Variants in ABR observed in about 807,000 individuals in gnomAD.
ABR encodes active breakpoint cluster region-related protein.
ABR carries 35 observed loss-of-function variants against 107.2 expected under a neutral mutation model. That is an observed-to-expected ratio of 0.33 (90% confidence interval 0.25 to 0.43). The LOEUF (loss-of-function observed/expected upper bound fraction) is 0.43. Ranked by LOEUF, ABR falls within the 20% of genes least tolerant of loss-of-function variation. ABR has a pLI of 1.00. For synonymous variants in ABR, 498 were observed against 462.0 expected (o/e 1.08, Z -1.00); for missense variants, 815 against 1,115.2 (o/e 0.73, Z 3.83).
chr17:1,209,034 G>A (rs1256254293), intron 1 of ABR, among the ~76,000 whole-genome samples: 2 of 152,118 alleles, frequency 1.3e-5, no homozygotes, highest in Admixed American at 6.6e-5. Context: ...GGCTCCTGAA[G>A]CAGAATTTTG....
exon 1 of ABR, among the ~76,000 whole-genome samples, chr17:1,229,242 T>C (rs1201989298): frequency 1.3e-5 from 2 of 151,428 alleles, no homozygotes; most frequent in African/African-American, 4.8e-5. Flanking sequence ...GAACCGCAGC[T>C]GGGGCTGCAG....
At chr17:1,102,224 CTT>C (rs1321736202) in intron 2 of ABR, among the ~76,000 whole-genome samples, 3 of 152,126 alleles carry the variant, frequency 2.0e-5, no homozygotes, top group Non-Finnish European at 4.4e-5. Context: ...AGGTCTCTAG[CTT>C]TCGGTTCGTT....
At chr17:1,225,776 AT>A (rs1202329679) in intron 1 of ABR, among the ~76,000 whole-genome samples, 1 of 152,152 alleles carries the variant, frequency 6.6e-6, no homozygotes, top group Middle Eastern at 3.2e-3. Context: ...AATATGACCC[AT>A]TTATTTCTCA....
chr17:1,058,744 C>G lies in ABR; in HGVS notation c.1305+1G>C. On this transcript the variant is annotated splice_donor_variant, in intron 11 of 22. Transcript: ENST00000302538. LOFTEE classifies it high-confidence loss of function. ...TTGGTCCCACCCCCACCCATCCTGA[C>G]CTTTCCATTCCGATTGTGGATCCTG... 1 of 1,613,990 alleles carries G rather than the reference C, an allele frequency of 6.2e-7. No individual in the cohort carries two copies. The highest frequency in any genetic ancestry group is 1.1e-5 in the South Asian group (1 of 91,046).
At position 1,031,717 on chromosome 17, in the gene ABR, C is replaced by T. The variant is rs963013506; in HGVS notation, c.1791+18333G>A. On this transcript the variant is annotated intron_variant, in intron 16 of 22. Transcript: ENST00000302538. ...TCGCGCCCCGCCTTCGGGCTGCAGT[C>T]GGGCTGGGGCAGGACGTCGGTCATG... The T allele has an allele frequency of 1.2e-3, 1,440 of 1,246,240 alleles. 1 individual carries two copies. The highest frequency in any genetic ancestry group is 1.4e-3 in the Non-Finnish European group (1,394 of 993,972). 77.2% of individuals were successfully genotyped at this position (1,246,240 alleles called of 1,614,324 possible).
At chr17:1,185,882 C>T (rs2042281118) in intron 1 of ABR, among the ~76,000 whole-genome samples, 1 of 151,728 alleles carries the variant, frequency 6.6e-6, no homozygotes, top group African/African-American at 2.4e-5. Context: ...TATTGCCTGG[C>T]TGGAGTGCAG....
Position 1,078,695 on chromosome 17 carries a change from C to A in ABR, c.700+635G>T. 2.8e-6 allele frequency: 3 copies of A among 1,076,288 alleles called. No homozygotes were observed. Among genetic ancestry groups the A allele is most frequent in the Non-Finnish European group, 4.0e-6 (3 of 755,350 alleles). 66.7% of individuals were successfully genotyped at this position (1,076,288 alleles called of 1,614,324 possible). A position where few individuals can be genotyped will look rare whatever the true frequency, so the allele number is the denominator to read the frequency against. ...AACGAAGGGGGAATTCAGGTCCAGC[C>A]GCTCGCCCACCCTCCTTCCCTGCGG... On this transcript the variant is annotated intron_variant, in intron 6 of 22. Coordinates refer to ENST00000302538, the MANE Select transcript of ABR (RefSeq NM_021962.5). This position sits in a 1 kb window ranked among gnomAD's most constrained non-coding sequence, Gnocchi z 7.5.
At chr17:1,152,964 C>T (rs1427771607) in intron 1 of ABR, among the ~76,000 whole-genome samples, 3 of 152,026 alleles carry the variant, frequency 2.0e-5, no homozygotes, top group African/African-American at 4.8e-5. Flanking sequence ...TGGTGGTGCA[C>T]GCCTGTAGTC....
At chr17:1,116,711 G>A (rs1162068602) in intron 2 of ABR, among the ~76,000 whole-genome samples, 3 of 147,068 alleles carry the variant, frequency 2.0e-5, no homozygotes, top group Non-Finnish European at 4.5e-5. Flanking sequence ...GAGCCACCCT[G>A]AGCCTCAGTG....
At chr17:1,109,248 G>T in intron 2 of ABR, 1 of 788,482 alleles carries the variant, frequency 1.3e-6, no homozygotes, top group Non-Finnish European at 1.8e-6. Context: ...CGCCGCCGCC[G>T]CCGCCTCGCG....
chr17:1,179,732 C>A lies in ABR; in HGVS notation c.-5G>T, dbSNP rs770879461. On this transcript the variant is annotated 5_prime_UTR_variant, in exon 1 of 23. Coordinates refer to ENST00000302538, the MANE Select transcript of ABR (RefSeq NM_021962.5). This position sits in a 1 kb window ranked among gnomAD's most constrained non-coding sequence, Gnocchi z 4.9. Reference sequence around the variant, plus strand: ...CCGGTGGCTGAGCGGCTCCATCCCGCGGCGGCGGCTCGGTCAGATCCGAAA... The same window carrying A: ...CCGGTGGCTGAGCGGCTCCATCCCGAGGCGGCGGCTCGGTCAGATCCGAAA... 10 of 1,408,218 alleles carry A rather than the reference C, an allele frequency of 7.1e-6. No individual in the cohort carries two copies. Among genetic ancestry groups the A allele is most frequent in the Non-Finnish European group, 9.5e-6 (10 of 1,054,426 alleles). 87.2% of individuals were successfully genotyped at this position (1,408,218 alleles called of 1,614,324 possible).
intron 16 of ABR, among the ~76,000 whole-genome samples, chr17:1,036,614 G>A (rs1377291285): frequency 6.6e-6 from 1 of 152,088 alleles, no homozygotes; most frequent in Non-Finnish European, 1.5e-5. Context: ...AGACAAGCAG[G>A]CCGAGCATGG....
At chr17:1,166,651 C>G (rs2041520553) in intron 1 of ABR, among the ~76,000 whole-genome samples, 1 of 152,214 alleles carries the variant, frequency 6.6e-6, no homozygotes, top group Admixed American at 6.5e-5. Context: ...CTGCAGGCGC[C>G]TGGTCCTTCC....
intron 1 of ABR, among the ~76,000 whole-genome samples, chr17:1,171,137 C>T (rs1159059956): frequency 6.6e-6 from 1 of 152,172 alleles, no homozygotes; most frequent in African/African-American, 2.4e-5. Context: ...GTAACGCGAA[C>T]GGGGTAACCA....
At chr17:1,014,718 C>T (rs2071001560) in intron 16 of ABR, among the ~76,000 whole-genome samples, 1 of 151,276 alleles carries the variant, frequency 6.6e-6, no homozygotes, top group East Asian at 1.9e-4. Context: ...CGGTGGTGGG[C>T]GCCTGTAGTC....
intron 2 of ABR, 89 bp downstream of exon 2, chr17:1,125,094 G>A (rs2039530946): frequency 6.5e-6 from 9 of 1,385,326 alleles, no homozygotes; most frequent in South Asian, 4.2e-5. Flanking sequence ...CCAATCTCTC[G>A]AGACCAACCC....
intron 5 of ABR, 119 bp from the exon 6 acceptor site, chr17:1,079,509 C>A: frequency 1.1e-6 from 1 of 948,514 alleles, no homozygotes; most frequent in Admixed American, 2.1e-5. Flanking sequence ...AGAACAGAGG[C>A]CGGGTGTGGC....
At position 1,028,403 on chromosome 17, in the gene ABR, T is replaced by G. The variant is rs193285016; in HGVS notation, c.1792-15239A>C. Among the ~76,000 whole-genome samples the G allele has an allele frequency of 1.1e-3, 166 of 152,128 alleles. 1 individual carries two copies. The highest frequency in any genetic ancestry group is 5.0e-4 in the Non-Finnish European group (34 of 67,988). On this transcript the variant is annotated intron_variant, in intron 16 of 22. Transcript: ENST00000302538. ...CGTGAGCCACCACACTTGGCTAATT[T>G]TTGCATTGTTAGTTGAGACGGGGCT...
At position 1,011,976 on chromosome 17, in the gene ABR, G is replaced by A. The variant is rs749405323; in HGVS notation, c.1971C>T (p.Arg657=). Residue 657 remains arginine, a synonymous_variant, in exon 19 of 23, where the codon CGC becomes CGT. Transcript: ENST00000302538. The surrounding 1 kb of genome is among the most constrained non-coding windows in gnomAD (Gnocchi z 4.8). ...GCCGGACGATGTAGGGCACCTTGGA[G>A]CGCTCCCGCCTGGGGTGGAGCGTGA... ...VKISVVTKRE[R]SKVPYIVRQC... 8 of 1,613,424 alleles carry A rather than the reference G, an allele frequency of 5.0e-6. No homozygotes were observed. In the Admixed American group the frequency reaches 1.3e-4, roughly 27 times the overall value.
Sources: gnomAD v4.1 joint callset for allele counts (sites outside exome capture counted in the v4.1 genomes callset) on GRCh38, gnomAD v4.1.1 for gene constraint, Gnocchi (gnomAD v3.1) non-coding constraint, MANE v1.5 for transcripts, NCBI Gene and HGNC (gene_info 2026-07-23, HGNC 2026-07-21) for gene names.